Variants in RPL27A observed in about 807,000 individuals in gnomAD.
The protein encoded by RPL27A is large ribosomal subunit protein uL15.
For missense variants in RPL27A, 118 were observed against 189.4 expected, an observed-to-expected ratio of 0.62 and a Z score of 2.21; for synonymous variants, 69 against 68.3, an observed-to-expected ratio of 1.01 and a Z score of -0.05.
At chr11:8,684,420 A>T in intron 3 of RPL27A, 1 of 716,172 alleles carries the variant, frequency 1.4e-6, no homozygotes, top group South Asian at 1.4e-5. Context: ...GACGTTTATT[A>T]TAGGAGTATG....
Position 8,685,672 on chromosome 11 carries a change from T to C in RPL27A, c.319-6T>C, listed in dbSNP as rs760499204. On this transcript the variant is annotated splice_polypyrimidine_tract_variant and splice_region_variant and intron_variant, in intron 4 of 4. Transcript: ENST00000314138. ...GTATTGTAAACTTTTTTCTCTGTTC[T>C]TCTAGGGCTACTACAAAGTTCTGGG... The C allele has an allele frequency of 6.2e-6, 10 of 1,614,122 alleles. No homozygotes were observed. In the Admixed American group the frequency reaches 1.7e-4, roughly 27 times the overall value.
In RPL27A at chr11:8,682,828, G is replaced by A. The variant is rs746315853; in HGVS notation, c.3+12G>A. The A allele has an allele frequency of 6.2e-7, 1 of 1,611,546 alleles. No individual in the cohort carries two copies. The highest frequency in any genetic ancestry group is 1.1e-5 in the South Asian group (1 of 90,898). On this transcript the variant is annotated intron_variant, in intron 1 of 4. Coordinates refer to ENST00000314138, the MANE Select transcript of RPL27A (RefSeq NM_000990.5). ...GGGCTGCCAACATGGTAGGTGTTTC[G>A]TTTCTTGCCTCCTCTTCCTTGCCGG...
intron 3 of RPL27A, 169 bp from the exon 4 acceptor site, chr11:8,684,549 C>T (rs997354869): frequency 2.9e-6 from 2 of 678,880 alleles, no homozygotes; most frequent in African/African-American, 1.8e-5. Context: ...TCATGATAGT[C>T]TTTGGTGGTT....
At chr11:8,682,837 C>G (rs143278201) in intron 1 of RPL27A, 21 bp downstream of exon 1, 1 of 1,609,772 alleles carries the variant, frequency 6.2e-7, no homozygotes. Flanking sequence ...CGTTTCTTGC[C>G]TCCTCTTCCT....
chr11:8,683,943 A>G (rs2039548369), intron 2 of RPL27A, 63 bp from the exon 3 acceptor site: 7 of 1,385,390 alleles, frequency 5.1e-6, no homozygotes, highest in Non-Finnish European at 7.1e-6. Context: ...TCGTCCTCCT[A>G]AAATGCTGGG....
At chr11:8,682,997 C>T in intron 1 of RPL27A, 181 bp downstream of exon 1, 1 of 919,992 alleles carries the variant, frequency 1.1e-6, no homozygotes, top group East Asian at 2.6e-5. Flanking sequence ...TGTGTTAGGC[C>T]CGCGGTTCGG....
At chr11:8,685,202 G>A in intron 4 of RPL27A, 6 of 454,722 alleles carry the variant, frequency 1.3e-5, no homozygotes, top group South Asian at 1.3e-4. Context: ...TGCATTATCT[G>A]AAGAGATTTT....
chr11:8,683,542 G>A (rs762521271), intron 2 of RPL27A: 22 of 552,422 alleles, frequency 4.0e-5, no homozygotes, highest in Non-Finnish European at 6.5e-5. Context: ...TGTTTCACCC[G>A]GAATCCTAAA....
rs762586682 is a variant in RPL27A at position 8,684,025 on chromosome 11, C to A, written c.87C>A (p.Pro29=). 6.2e-7 allele frequency: 1 copy of A among 1,612,936 alleles called. No individual in the cohort carries two copies. Among genetic ancestry groups the A allele is most frequent in the Admixed American group, 1.7e-5 (1 of 60,020 alleles). ...CTGCAGGCAAGCACCGGAAGCACCC[C>A]GGCGGCCGCGGTAATGCTGGTGGTC... is the stretch of plus-strand genomic sequence containing the variant. ...HGRIGKHRKH[P]GGRGNAGGLH... is the part of the protein sequence containing the mutation. The change falls in exon 3 of 5, where the codon CCC becomes CCA. Residue 29 remains proline, a synonymous_variant. Coordinates refer to ENST00000314138, the MANE Select transcript of RPL27A (RefSeq NM_000990.5).
rs1345988431 is a variant in RPL27A, at chr11:8,688,478, T to C, written c.*2672T>C. The C allele has an allele frequency of 6.6e-6, 1 of 152,230 alleles. No individual in the cohort carries two copies. The highest frequency in any genetic ancestry group is 1.5e-5 in the Non-Finnish European group (1 of 68,050). The allele number at this position is 152,230 out of a possible 1,614,324, so 9.4% of individuals were successfully genotyped here. ...AGTTTTGAGCCCTAAGTCCGCCGATTCCAGTGCTTTCTTGAACCCGCATTT... is the reference window on the plus strand; with the variant it reads ...AGTTTTGAGCCCTAAGTCCGCCGATCCCAGTGCTTTCTTGAACCCGCATTT... On this transcript the variant is annotated 3_prime_UTR_variant, in exon 5 of 5. Transcript: ENST00000314138.
rs10840112 is a variant in RPL27A, at chr11:8,688,964, C to T, written c.*3158C>T. ...CCGGACCTTGGGTCTTACCCCGGCA[C>T]CTGAGAACCACTTCCGGTGAGTAGC... On this transcript the variant is annotated 3_prime_UTR_variant, in exon 5 of 5. Coordinates refer to ENST00000314138, the MANE Select transcript of RPL27A (RefSeq NM_000990.5). The T allele has an allele frequency of 0.29, 44,741 of 152,248 alleles. 8,153 individuals carry two copies. Among genetic ancestry groups the T allele is most frequent in the Non-Finnish European group, 0.41 (27,917 of 67,996 alleles). 9.4% of individuals were successfully genotyped at this position (152,248 alleles called of 1,614,324 possible). A position where few individuals can be genotyped will look rare whatever the true frequency, so the allele number is the denominator to read the frequency against.
chr11:8,685,571 T>A, intron 4 of RPL27A, 107 bp from the exon 5 acceptor site: 1 of 1,277,816 alleles, frequency 7.8e-7, no homozygotes, highest in South Asian at 1.2e-5. Flanking sequence ...GAAACATACA[T>A]ACCCTGCCTA....
chr11:8,683,158 G>A (rs771806530), intron 1 of RPL27A, 44 bp from the exon 2 acceptor site: 2 of 1,589,360 alleles, frequency 1.3e-6, no homozygotes. Context: ...ATCGCCCCCT[G>A]CCCCTAATTC....
At chr11:8,685,222 C>T (rs186124746) in intron 4 of RPL27A, 15,507 of 435,882 alleles carry the variant, frequency 0.036, 471 homozygotes, top group African/African-American at 0.11. Context: ...TCCCCCAAAA[C>T]AGATGTATTA....
intron 2 of RPL27A, 29 bp from the exon 3 acceptor site, chr11:8,683,977 C>T (rs752683953): frequency 1.9e-6 from 3 of 1,595,940 alleles, no homozygotes; most frequent in Non-Finnish European, 2.6e-6. Flanking sequence ...GCCATCACAC[C>T]GGCCCCACGT....
Position 8,684,862 on chromosome 11 carries a change from G to A in RPL27A, c.288G>A (p.Gly96=), listed in dbSNP as rs745595530. 53 of 1,613,966 alleles carry A rather than the reference G, an allele frequency of 3.3e-5. No homozygotes were observed. Among genetic ancestry groups the A allele is most frequent in the Non-Finnish European group, 4.3e-5 (51 of 1,179,994 alleles). Residue 96 remains glycine, a synonymous_variant, in exon 4 of 5, where the codon GGG becomes GGA. Coordinates refer to ENST00000314138, the MANE Select transcript of RPL27A (RefSeq NM_000990.5). ...TRVNAAKNKT[G]AAPIIDVVRS... is the part of the protein sequence containing the mutation. ...TGAATGCTGCTAAAAACAAGACTGG[G>A]GCTGCTCCCATCATTGATGTGGTGC...
intron 3 of RPL27A, chr11:8,684,283 C>G (rs139230023): frequency 3.4e-5 from 26 of 756,602 alleles, no homozygotes; most frequent in African/African-American, 1.4e-4. Context: ...CTAGAGTCCT[C>G]GAAGAGTAAC....
intron 2 of RPL27A, 134 bp downstream of exon 2, chr11:8,683,399 C>G: frequency 1.4e-6 from 1 of 712,716 alleles, no homozygotes; most frequent in Middle Eastern, 2.4e-4. Context: ...TGATTTTTTT[C>G]TGACGATCCT....
rs753754517 is a variant in RPL27A at position 8,684,094 on chromosome 11, G to A, written c.143+13G>A. ...ACTTCGACAAATAGTAAGTGTCCTT[G>A]GACTGCTTTTATTGACACAGCTTGG... On this transcript the variant is annotated intron_variant, in intron 3 of 4. Coordinates refer to ENST00000314138, the MANE Select transcript of RPL27A (RefSeq NM_000990.5). 6.2e-7 allele frequency: 1 copy of A among 1,609,506 alleles called. No individual in the cohort carries two copies. Among genetic ancestry groups the A allele is most frequent in the Non-Finnish European group, 8.5e-7 (1 of 1,176,236 alleles).
Sources: allele counts gnomAD v4.1 joint callset, GRCh38; gene constraint gnomAD v4.1.1; transcripts MANE v1.5; gene names NCBI Gene and HGNC (gene_info 2026-07-23, HGNC 2026-07-21).